Variants in DLG5 observed in about 807,000 individuals in gnomAD.
The protein encoded by DLG5 is discs large MAGUK scaffold protein 5.
Under a neutral mutation model 189.8 loss-of-function variants are expected in DLG5, and 48 were observed. The observed-to-expected ratio is 0.25, with a 90% CI of 0.20 to 0.32. The LOEUF is 0.32. DLG5 is among the 10% of genes least tolerant of loss of function. DLG5 has a pLI of 1.00. For synonymous variants in DLG5, 1,016 were observed against 1,054.1 expected, an observed-to-expected ratio of 0.96 and a Z score of 0.70; for missense variants, 2,160 against 2,544.7, an observed-to-expected ratio of 0.85 and a Z score of 3.25.
At chr10:77,793,649 T>C (rs1306115979) in intron 31 of DLG5, 1 of 254,278 alleles carries the variant, frequency 3.9e-6, no homozygotes, top group African/African-American at 2.3e-5. Context: ...TAGCCTCCGC[T>C]GCCCACACTG....
chr10:77,898,259 C>G (rs369159923), intron 1 of DLG5, among the ~76,000 whole-genome samples: 2 of 152,280 alleles, frequency 1.3e-5, no homozygotes, highest in African/African-American at 4.8e-5. Flanking sequence ...CATCTCCACC[C>G]TCTACCACAC....
chr10:77,917,163 C>T (rs111824848), intron 1 of DLG5, among the ~76,000 whole-genome samples: 7 of 151,566 alleles, frequency 4.6e-5, no homozygotes, highest in South Asian at 2.1e-4. Flanking sequence ...GGCAAAGCCC[C>T]GTCTCTTAAA....
At chr10:77,900,922 G>A (rs935599382) in intron 1 of DLG5, among the ~76,000 whole-genome samples, 3 of 151,914 alleles carry the variant, frequency 2.0e-5, no homozygotes, top group East Asian at 1.9e-4. Flanking sequence ...GTGACAGAGC[G>A]AGACTCCGTC....
intron 1 of DLG5, among the ~76,000 whole-genome samples, chr10:77,919,173 A>G (rs1451854914): frequency 3.3e-5 from 5 of 152,028 alleles, no homozygotes; most frequent in Non-Finnish European, 7.4e-5. Context: ...CTGAGATTGC[A>G]CCACTGCACT....
chr10:77,914,934 G>A (rs1316364333), intron 1 of DLG5, among the ~76,000 whole-genome samples: 2 of 152,136 alleles, frequency 1.3e-5, no homozygotes, highest in African/African-American at 2.4e-5. Flanking sequence ...CATTCTTGGC[G>A]AACTCCATAG....
intron 26 of DLG5, 52 bp downstream of exon 26, chr10:77,806,706 T>G: frequency 2.7e-6 from 4 of 1,472,150 alleles, no homozygotes; most frequent in East Asian, 2.3e-5. Flanking sequence ...CCATGGCTGG[T>G]GGCCCTCGGC....
At chr10:77,934,409 A>G in the DLG5 span, among the ~76,000 whole-genome samples, 9 of 152,064 alleles carry the variant, frequency 5.9e-5, no homozygotes, top group South Asian at 2.1e-4. Context: ...AAATAAATAC[A>G]TAAAGTAAAA....
At chr10:77,848,658 T>C (rs557731546) in intron 5 of DLG5, among the ~76,000 whole-genome samples, 2 of 152,154 alleles carry the variant, frequency 1.3e-5, no homozygotes, top group African/African-American at 4.8e-5. Context: ...GACCTTTTTG[T>C]ATGTGCAAAT....
In DLG5 at chr10:77,806,833, A is replaced by G; in HGVS notation, c.4892T>C (p.Phe1631Ser). Reference sequence around the variant, plus strand: ...CAGCTGCCAAGCCATCCAGGACCCGAACGTGCCCTGGGGTAAGGTGTCATC... The same window carrying G: ...CAGCTGCCAAGCCATCCAGGACCCGGACGTGCCCTGGGGTAAGGTGTCATC... ...YVDDTLPQGTFGSWMAWQLDE... is the reference protein window; with the variant it reads ...YVDDTLPQGTSGSWMAWQLDE... The change falls in exon 26 of 32, where the codon TTC (phenylalanine) becomes TCC (serine). Residue 1631 changes from phenylalanine to serine, a missense_variant. This residue lies in a region of DLG5 where 574 missense variants were observed against 644.2 expected (regional missense o/e 0.89). Transcript: ENST00000372391. 6.2e-7 allele frequency: 1 copy of G among 1,614,010 alleles called. No individual in the cohort carries two copies. The highest frequency in any genetic ancestry group is 1.1e-5 in the South Asian group (1 of 91,072).
At position 77,839,091 on chromosome 10, in the gene DLG5, C is replaced by T. The variant is rs114266760; in HGVS notation, c.1437+2790G>A. Among the ~76,000 whole-genome samples the T allele has an allele frequency of 4.1e-3, 617 of 152,294 alleles. 5 individuals are homozygous for T. The highest frequency in any genetic ancestry group is 0.014 in the African/African-American group (576 of 41,560). ...GGGAATGCGGTGGTTGCCGCAAGGACGTCAGGCCTGGAGGTCTCATTGCTG... is the reference window on the plus strand; with the variant it reads ...GGGAATGCGGTGGTTGCCGCAAGGATGTCAGGCCTGGAGGTCTCATTGCTG... On this transcript the variant is annotated intron_variant, in intron 7 of 31. Transcript: ENST00000372391.
chr10:77,915,825 G>C (rs187907219), intron 1 of DLG5, among the ~76,000 whole-genome samples: 1 of 152,148 alleles, frequency 6.6e-6, no homozygotes, highest in East Asian at 1.9e-4. Context: ...CAAAAATAAC[G>C]AACATGCTTC....
Position 77,806,844 on chromosome 10 carries a change from G to A in DLG5, c.4881C>T (p.Pro1627=), listed in dbSNP as rs747832304. The change falls in exon 26 of 32, where the codon CCC becomes CCT. Residue 1627 remains proline (P), a synonymous_variant. Coordinates refer to ENST00000372391, the MANE Select transcript of DLG5 (RefSeq NM_004747.4). ...CCATCCAGGACCCGAACGTGCCCTG[G>A]GGTAAGGTGTCATCCACGTAGAGGA... The part of the protein sequence containing the change: ...DDILYVDDTL[P]QGTFGSWMAW... 1 of 1,614,132 alleles carries A rather than the reference G, an allele frequency of 6.2e-7. No individual in the cohort carries two copies. Among genetic ancestry groups the A allele is most frequent in the Admixed American group, 1.7e-5 (1 of 60,022 alleles).
At chr10:77,918,857 C>T (rs940835129) in intron 1 of DLG5, among the ~76,000 whole-genome samples, 3 of 152,128 alleles carry the variant, frequency 2.0e-5, no homozygotes, top group Admixed American at 6.5e-5. Context: ...TTTCAGGAAA[C>T]GACTATAGAG....
chr10:77,851,163 T>C (rs1474781351), intron 5 of DLG5, among the ~76,000 whole-genome samples: 3 of 152,210 alleles, frequency 2.0e-5, no homozygotes, highest in Non-Finnish European at 4.4e-5. Flanking sequence ...CTGGGAGCTT[T>C]GTTTTGACAC....
chr10:77,937,380 T>G, the DLG5 span, among the ~76,000 whole-genome samples: 1 of 152,200 alleles, frequency 6.6e-6, no homozygotes, highest in Admixed American at 6.5e-5. Context: ...TTTGCCATTA[T>G]CTATTGCCTT....
chr10:77,860,358 C>T (rs1265719), intron 2 of DLG5, among the ~76,000 whole-genome samples: 38,657 of 152,060 alleles, frequency 0.25, 5,486 homozygotes, highest in Admixed American at 0.39. Context: ...AGTGCAGTGG[C>T]GCGATCTCGG....
chr10:77,873,620 C>G (rs1456096259), intron 1 of DLG5, among the ~76,000 whole-genome samples: 5 of 152,128 alleles, frequency 3.3e-5, no homozygotes, highest in African/African-American at 1.2e-4. Flanking sequence ...CCATGAGGCC[C>G]AAGAGAGATG....
Position 77,819,954 on chromosome 10 carries a change from G to A in DLG5, c.3467C>T (p.Ser1156Leu), listed in dbSNP as rs375148491. The change falls in exon 16 of 32, where the codon TCG becomes TTG. Residue 1156 changes from serine to leucine, a missense_variant. This residue lies in a region of DLG5 where 754 missense variants were observed against 746.5 expected (regional missense o/e 1.01). Coordinates refer to ENST00000372391, the MANE Select transcript of DLG5 (RefSeq NM_004747.4). ...SPELQEWAPY[S>L]PGHSSRHSNP... ...GCTGTGCCGGCTGGAATGCCCAGGC[G>A]AGTAAGGTGCCCACTCCTGGAGCTC... The A allele has an allele frequency of 2.5e-5, 41 of 1,611,730 alleles. No homozygotes were observed. The East Asian group carries it at 2.7e-4, about 11-fold the overall frequency.
intron 29 of DLG5, among the ~76,000 whole-genome samples, chr10:77,795,468 C>A (rs1266078525): frequency 6.6e-6 from 1 of 152,098 alleles, no homozygotes; most frequent in East Asian, 1.9e-4. Context: ...AGTGAGAAGC[C>A]AACACCTTCA....
Sources: allele counts gnomAD v4.1 joint callset (sites outside exome capture counted in the v4.1 genomes callset), GRCh38; gene constraint gnomAD v4.1.1; regional missense constraint gnomAD v4.1.1; transcripts MANE v1.5; gene names NCBI Gene and HGNC (gene_info 2026-07-23, HGNC 2026-07-21).